ZNF284: variants seen among roughly 807,000 people sequenced by gnomAD.
ZNF284 encodes zinc finger protein 284.
A neutral mutation model predicts 12.9 loss-of-function variants in ZNF284; 12 were observed. That is an observed-to-expected ratio of 0.93 (90% confidence interval 0.60 to 1.51). The LOEUF (loss-of-function observed/expected upper bound fraction) is 1.51. ZNF284 is among the 40% of genes most tolerant of loss of function. ZNF284 has a pLI of 0.00. For missense variants in ZNF284, 667 were observed against 707.3 expected (o/e 0.94, Z 0.65); for synonymous variants, 225 against 236.5 (o/e 0.95, Z 0.45).
At chr19:44,083,920 A>C (rs749701209) in intron 4 of ZNF284, among the ~76,000 whole-genome samples, 1 of 151,988 alleles carries the variant, frequency 6.6e-6, no homozygotes, top group Middle Eastern at 3.4e-3. Context: ...CACTAGGAGG[A>C]GTATACAGAT....
intron 1 of ZNF284, among the ~76,000 whole-genome samples, chr19:44,073,260 A>T (rs932840672): frequency 6.6e-6 from 1 of 152,162 alleles, no homozygotes; most frequent in Non-Finnish European, 1.5e-5. Context: ...AATCTTTTGG[A>T]TACATTCTCA....
chr19:44,087,011 C>T lies in ZNF284; in HGVS notation c.1533C>T (p.Tyr511=), dbSNP rs201636628. Reference sequence around the variant, plus strand: ...GAATTCACACTGGAGAAAAGCCTTACAAATGTGAGGAGTGTGGAAAGGGAT... The same window carrying T: ...GAATTCACACTGGAGAAAAGCCTTATAAATGTGAGGAGTGTGGAAAGGGAT... ...HQRIHTGEKP[Y]KCEECGKGFR... Residue 511 remains tyrosine (Y), a synonymous_variant, in exon 5 of 5, where the codon TAC becomes TAT. Coordinates refer to ENST00000421176, the MANE Select transcript of ZNF284 (RefSeq NM_001037813.4). 9.9e-6 allele frequency: 16 copies of T among 1,613,980 alleles called. No individual in the cohort carries two copies. Among genetic ancestry groups the T allele is most frequent in the Non-Finnish European group, 1.3e-5 (15 of 1,180,008 alleles).
rs924151303 is a variant in ZNF284, at chr19:44,087,592, C to CTT, written c.*357_*358dup. 212 of 100,252 alleles carry CTT rather than the reference C, an allele frequency of 2.1e-3. 12 individuals are homozygous for CTT. The highest frequency in any genetic ancestry group is 6.9e-3 in the African/African-American group (147 of 21,418). 6.2% of individuals were successfully genotyped at this position (100,252 alleles called of 1,614,324 possible). A position where few individuals can be genotyped will look rare whatever the true frequency, so the allele number is the denominator to read the frequency against. On this transcript the variant is annotated 3_prime_UTR_variant, in exon 5 of 5. Coordinates refer to ENST00000421176, the MANE Select transcript of ZNF284 (RefSeq NM_001037813.4). ...TAATTGCTATGCCATGCTGCTTCTG[C>CTT]TTTTTTTTTTTTTTTTTTTTTTTTT...
chr19:44,082,060 A>G lies in ZNF284; in HGVS notation c.190A>G (p.Lys64Glu). The G allele has an allele frequency of 6.2e-7, 1 of 1,613,912 alleles. No individual in the cohort carries two copies. Among genetic ancestry groups the G allele is most frequent in the Non-Finnish European group, 8.5e-7 (1 of 1,179,922 alleles). ...TACTTTTCACTTCCAAAGAGAAGAA[A>G]AGTTTTGGATCATGGAGACAGCAAC... ...RDTFHFQREE[K>E]FWIMETATQR... The change falls in exon 4 of 5, where the codon AAG (lysine) becomes GAG (glutamate). Residue 64 changes from lysine to glutamate, a missense_variant. Coordinates refer to ENST00000421176, the MANE Select transcript of ZNF284 (RefSeq NM_001037813.4).
rs1463067208 is a variant in ZNF284 at position 44,089,165 on chromosome 19, G to A, written c.*1905G>A. On this transcript the variant is annotated 3_prime_UTR_variant, in exon 5 of 5. Transcript: ENST00000421176. The stretch of plus-strand genomic sequence containing the variant: ...AGATGGGGTCTCTCGGTGTTGCCCA[G>A]GCTGGATTGCTTATTCACAGATGCA... 1 of 149,652 alleles carries A rather than the reference G, an allele frequency of 6.7e-6. No homozygotes were observed. Among genetic ancestry groups the A allele is most frequent in the East Asian group, 2.0e-4 (1 of 5,092 alleles). 9.3% of individuals were successfully genotyped at this position (149,652 alleles called of 1,614,324 possible).
intron 1 of ZNF284, among the ~76,000 whole-genome samples, chr19:44,074,014 C>T (rs759627153): frequency 6.6e-6 from 1 of 152,208 alleles, no homozygotes. Context: ...ATATCATGCT[C>T]ATCCTAATTT....
intron 2 of ZNF284, 33 bp from the exon 3 acceptor site, chr19:44,080,982 T>C: frequency 1.9e-6 from 3 of 1,597,726 alleles, no homozygotes; most frequent in Non-Finnish European, 2.6e-6. Context: ...TCACTGGTCA[T>C]GAGATTGAGA....
intron 4 of ZNF284, among the ~76,000 whole-genome samples, chr19:44,083,803 G>A (rs1967177392): frequency 6.6e-6 from 1 of 152,062 alleles, no homozygotes; most frequent in African/African-American, 2.4e-5. Flanking sequence ...GGTGTTAGAG[G>A]TAGTGGTGAT....
chr19:44,084,726 C>T (rs1192720663), intron 4 of ZNF284, among the ~76,000 whole-genome samples: 1 of 152,078 alleles, frequency 6.6e-6, no homozygotes, highest in Admixed American at 6.5e-5. Flanking sequence ...TATTGTAACC[C>T]TCTGGGTGGA....
At chr19:44,085,345 GT>G (rs1354746096) in intron 4 of ZNF284, 1 of 173,454 alleles carries the variant, frequency 5.8e-6, no homozygotes, top group Non-Finnish European at 1.2e-5. Context: ...CAAGCTCTGG[GT>G]GTCTTTAGTC....
intron 2 of ZNF284, among the ~76,000 whole-genome samples, chr19:44,078,662 G>A (rs1408980890): frequency 6.6e-6 from 1 of 152,096 alleles, no homozygotes; most frequent in African/African-American, 2.4e-5. Context: ...GTCTTGCTGT[G>A]TTGCCTGGTC....
In ZNF284 at chr19:44,082,062, G is replaced by A. The variant is rs1355058692; in HGVS notation, c.192G>A (p.Lys64=). The A allele has an allele frequency of 3.1e-6, 5 of 1,613,456 alleles. No homozygotes were observed. Among genetic ancestry groups the A allele is most frequent in the Non-Finnish European group, 2.5e-6 (3 of 1,179,784 alleles). Residue 64 remains lysine, a synonymous_variant, in exon 4 of 5, where the codon AAG becomes AAA. Transcript: ENST00000421176. The part of the protein sequence containing the change: ...RDTFHFQREE[K]FWIMETATQR... ...CTTTTCACTTCCAAAGAGAAGAAAA[G>A]TTTTGGATCATGGAGACAGCAACCC...
rs755002167 is a variant in ZNF284 at position 44,085,702 on chromosome 19, G to T, written c.236-12G>T. On this transcript the variant is annotated splice_polypyrimidine_tract_variant and intron_variant, in intron 4 of 4. Coordinates refer to ENST00000421176, the MANE Select transcript of ZNF284 (RefSeq NM_001037813.4). The stretch of plus-strand genomic sequence containing the variant: ...TCACTTACCCACATCTCTTAATTCT[G>T]TGTCCTTATAGGAGGCAAGATCCAA... The T allele has an allele frequency of 6.3e-7, 1 of 1,595,884 alleles. No individual in the cohort carries two copies. The highest frequency in any genetic ancestry group is 1.1e-5 in the South Asian group (1 of 87,416).
Position 44,087,083 on chromosome 19 carries a change from A to G in ZNF284, c.1605A>G (p.Arg535=). ...TAACCCATCAAAGACTCCACAGCAG[A>G]GAAAAACTATTCCAATGTGAGGATT... is the stretch of plus-strand genomic sequence containing the variant. ...THLTHQRLHS[R]EKLFQCEDCG... Residue 535 remains arginine, a synonymous_variant, in exon 5 of 5, where the codon AGA becomes AGG. Transcript: ENST00000421176. The G allele has an allele frequency of 6.2e-7, 1 of 1,614,188 alleles. No individual in the cohort carries two copies. The highest frequency in any genetic ancestry group is 8.5e-7 in the Non-Finnish European group (1 of 1,180,022).
intron 4 of ZNF284, 117 bp from the exon 5 acceptor site, chr19:44,085,597 C>A: frequency 3.2e-6 from 3 of 951,846 alleles, no homozygotes; most frequent in Non-Finnish European, 4.7e-6. Context: ...ACTTGGAAAA[C>A]ACAAACTGTA....
At chr19:44,076,994 A>G (rs1411168960) in intron 2 of ZNF284, among the ~76,000 whole-genome samples, 1 of 151,856 alleles carries the variant, frequency 6.6e-6, no homozygotes, top group Non-Finnish European at 1.5e-5. Flanking sequence ...TAATATATGT[A>G]TTTTTAGTAG....
intron 3 of ZNF284, among the ~76,000 whole-genome samples, chr19:44,081,746 CATAA>C (rs892570558): frequency 6.6e-5 from 10 of 151,748 alleles, no homozygotes; most frequent in African/African-American, 2.2e-4. Context: ...AAACAAAAAA[CATAA>C]ATAAAATAAA....
rs1331149987 is a variant in ZNF284, at chr19:44,086,046, C to G, written c.568C>G (p.Leu190Val). The G allele has an allele frequency of 1.2e-6, 2 of 1,614,032 alleles. No homozygotes were observed. The highest frequency in any genetic ancestry group is 4.5e-5 in the East Asian group (2 of 44,898). The change falls in exon 5 of 5, where the codon CTT becomes GTT. Residue 190 changes from leucine (L) to valine (V), a missense_variant. Physicochemically the swap from Leu to Val is conservative, Grantham distance 32 (BLOSUM62 1). Coordinates refer to ENST00000421176, the MANE Select transcript of ZNF284 (RefSeq NM_001037813.4). ...YRKRFCYSSALCLHQKVHMGE... is the reference protein window; with the variant it reads ...YRKRFCYSSAVCLHQKVHMGE... ...GAAGAGATTCTGTTATAGCTCAGCT[C>G]TTTGTCTTCATCAGAAAGTTCACAT... is the stretch of plus-strand genomic sequence containing the variant.
chr19:44,088,820 C>CTTTTTTTTTTTTTTTTTTTTTTTT lies in ZNF284; in HGVS notation c.*1575_*1576insTTTTTTTTTTTTTTTTTTTTTTTT, dbSNP rs60706930. On this transcript the variant is annotated 3_prime_UTR_variant, in exon 5 of 5. Coordinates refer to ENST00000421176, the MANE Select transcript of ZNF284 (RefSeq NM_001037813.4). ...CTGACCATTATTAGGCAAGAATTGG[C>CTTTTTTTTTTTTTTTTTTTTTTTT]TTTTTTTTTTTTTTTCTTTTGAGAC... is the stretch of plus-strand genomic sequence containing the variant. 1.4e-5 allele frequency: 2 copies of CTTTTTTTTTTTTTTTTTTTTTTTT among 141,936 alleles called. No individual in the cohort carries two copies. The highest frequency in any genetic ancestry group is 1.5e-5 in the Non-Finnish European group (1 of 65,960). The allele number at this position is 141,936 out of a possible 1,614,324, so 8.8% of individuals were successfully genotyped here.
Sources: allele counts gnomAD v4.1 joint callset (sites outside exome capture counted in the v4.1 genomes callset), GRCh38; gene constraint gnomAD v4.1.1; transcripts MANE v1.5; gene names NCBI Gene and HGNC (gene_info 2026-07-23, HGNC 2026-07-21).